Variants in PCNT observed in about 807,000 individuals in gnomAD.
PCNT encodes kendrin.
A neutral mutation model predicts 380.4 loss-of-function variants in PCNT; 319 were observed. That is an observed-to-expected ratio of 0.84 (90% CI 0.77 to 0.92). The LOEUF is 0.92. Among genes scored for constraint, PCNT ranks in the 40% least tolerant of loss-of-function variants. The probability of loss-of-function intolerance (pLI) is 0.00; values close to 1 mark genes in which losing one functional copy is unlikely to be tolerated. For synonymous variants in PCNT, 1,845 were observed against 1,735.2 expected (o/e 1.06, Z -1.57); for missense variants, 4,400 against 4,255.3 (o/e 1.03, Z -0.95).
chr21:46,389,110 GTTCTGTGGC>G, intron 18 of PCNT, 80 bp from the exon 19 acceptor site: 1 of 1,406,142 alleles, frequency 7.1e-7, no homozygotes, highest in Admixed American at 1.9e-5. Flanking sequence ...GACGTTCTGA[GTTCTGTGGC>G]TTCCTTGTCG....
intron 15 of PCNT, among the ~76,000 whole-genome samples, chr21:46,370,539 G>A (rs1403512830): frequency 6.6e-6 from 1 of 152,098 alleles, no homozygotes; most frequent in Non-Finnish European, 1.5e-5. Context: ...TTAGCTGGAG[G>A]GGTCATCCCA....
At chr21:46,424,365 G>A (rs2087399072) in intron 32 of PCNT, among the ~76,000 whole-genome samples, 1 of 152,214 alleles carries the variant, frequency 6.6e-6, no homozygotes, top group East Asian at 1.9e-4. Flanking sequence ...CTGGTCCTGA[G>A]TGTGGAGATG....
intron 15 of PCNT, among the ~76,000 whole-genome samples, chr21:46,368,262 G>A (rs139432691): frequency 6.3e-4 from 96 of 152,268 alleles, no homozygotes; most frequent in Non-Finnish European, 1.1e-3. Flanking sequence ...TGGCTAACAC[G>A]GTGAAACCCC....
intron 10 of PCNT, 91 bp downstream of exon 10, chr21:46,353,417 A>G: frequency 2.9e-6 from 3 of 1,051,536 alleles, no homozygotes; most frequent in Non-Finnish European, 4.4e-6. Context: ...ATTTCATGCT[A>G]GTAGGCACCA....
chr21:46,362,157 G>A lies in PCNT; in HGVS notation c.2155-1323G>A, dbSNP rs1320397748. On this transcript the variant is annotated intron_variant, in intron 13 of 46. Coordinates refer to ENST00000359568, the MANE Select transcript of PCNT (RefSeq NM_006031.6). ...TAATTCAGTTCTTGTAGCTTTAGCC[G>A]GCTTGCTTGCTTTTGGAGTCTGCCC... Among the ~76,000 whole-genome samples the A allele has an allele frequency of 3.3e-5, 5 of 152,278 alleles. No individual in the cohort carries two copies. In the East Asian group the frequency reaches 7.7e-4, roughly 23 times the overall value.
At position 46,334,720 on chromosome 21, in the gene PCNT, C is replaced by G. The variant is rs559031201; in HGVS notation, c.591C>G (p.Ile197Met). 1.9e-5 allele frequency: 30 copies of G among 1,612,252 alleles called. No individual in the cohort carries two copies. The highest frequency in any genetic ancestry group is 3.3e-5 in the South Asian group (3 of 90,926). The change falls in exon 3 of 47, where the codon ATC becomes ATG. Residue 197 changes from isoleucine to methionine, a missense_variant. Physicochemically the swap from Ile to Met is conservative, Grantham distance 10 (BLOSUM62 1). Transcript: ENST00000359568. ...ACCACACACCAGAACAGCGTGGGAT[C>G]TTCACAATCAGTGACCACCCAGCAG... ...VSDHTPEQRGIFTISDHPAEQ... is the reference protein window; with the variant it reads ...VSDHTPEQRGMFTISDHPAEQ...
chr21:46,445,661 T>G lies in PCNT; in HGVS notation c.*334T>G. On this transcript the variant is annotated 3_prime_UTR_variant, in exon 47 of 47. Coordinates refer to ENST00000359568, the MANE Select transcript of PCNT (RefSeq NM_006031.6). The stretch of plus-strand genomic sequence containing the variant: ...GGAGGATACACAGAGAATGGCTTCC[T>G]GTTGTTTTGTTTATTTTCTTAACGT... The G allele has an allele frequency of 3.1e-6, 1 of 321,082 alleles. No individual in the cohort carries two copies. Among genetic ancestry groups the G allele is most frequent in the Non-Finnish European group, 5.7e-6 (1 of 175,238 alleles). The allele number at this position is 321,082 out of a possible 1,614,324, so 19.9% of individuals were successfully genotyped here.
At chr21:46,332,555 C>T (rs1252887545) in intron 2 of PCNT, among the ~76,000 whole-genome samples, 1 of 152,168 alleles carries the variant, frequency 6.6e-6, no homozygotes, top group Non-Finnish European at 1.5e-5. Flanking sequence ...TTCATGTGAG[C>T]GGGCAGCTGA....
rs920525493 is a variant in PCNT, at chr21:46,425,993, C to A, written c.7320+22C>A. The A allele has an allele frequency of 1.2e-5, 20 of 1,607,606 alleles. No homozygotes were observed. Among genetic ancestry groups the A allele is most frequent in the Non-Finnish European group, 1.6e-5 (19 of 1,176,070 alleles). ...GCAGGTTTATTTTGCCCTTCACACA[C>A]TTCTTTTCCAAAGGATTTAAGGAGC... On this transcript the variant is annotated intron_variant, in intron 33 of 46. Coordinates refer to ENST00000359568, the MANE Select transcript of PCNT (RefSeq NM_006031.6). The surrounding 1 kb of genome is among the most constrained non-coding windows in gnomAD (Gnocchi z 4.2).
At position 46,355,433 on chromosome 21, in the gene PCNT, C is replaced by A. The variant is rs751195613; in HGVS notation, c.1762-19C>A. The A allele has an allele frequency of 6.2e-7, 1 of 1,612,594 alleles. No individual in the cohort carries two copies. Among genetic ancestry groups the A allele is most frequent in the Non-Finnish European group, 8.5e-7 (1 of 1,179,680 alleles). ...AGCTTGGCTCACTAACGTGCTTGTCCCACGTGGTTTCTCTGTAGGAGAGCC... is the reference window on the plus strand; with the variant it reads ...AGCTTGGCTCACTAACGTGCTTGTCACACGTGGTTTCTCTGTAGGAGAGCC... On this transcript the variant is annotated intron_variant, in intron 11 of 46. Coordinates refer to ENST00000359568, the MANE Select transcript of PCNT (RefSeq NM_006031.6).
intron 44 of PCNT, chr21:46,442,882 A>C: frequency 4.9e-6 from 2 of 411,628 alleles, no homozygotes; most frequent in East Asian, 5.0e-5. Flanking sequence ...AATCAACTGA[A>C]ACTCACTTCA....
chr21:46,384,728 A>G (rs2085762309), intron 16 of PCNT, among the ~76,000 whole-genome samples: 1 of 140,492 alleles, frequency 7.1e-6, no homozygotes. Context: ...AAACACATTC[A>G]TGGTGTTGTG....
chr21:46,361,478 G>A (rs771976686), intron 13 of PCNT, among the ~76,000 whole-genome samples: 17 of 152,230 alleles, frequency 1.1e-4, no homozygotes, highest in Non-Finnish European at 1.5e-4. Context: ...GCTGCGTTGT[G>A]TAAACTGTGA....
chr21:46,348,464 G>A (rs1421071643), intron 6 of PCNT: 6 of 180,812 alleles, frequency 3.3e-5, no homozygotes, highest in Admixed American at 1.1e-4. Context: ...CTCGTGTGCA[G>A]ATGGCAGTCT....
At position 46,385,994 on chromosome 21, in the gene PCNT, C is replaced by A; in HGVS notation, c.3464+11C>A. On this transcript the variant is annotated intron_variant, in intron 17 of 46. Transcript: ENST00000359568. ...GTCCCACAGCGAAAGGTCAGTGTGT[C>A]CTCGGCACCGAGGCTGCCTTGTGGC... 6.2e-7 allele frequency: 1 copy of A among 1,613,778 alleles called. No individual in the cohort carries two copies. The highest frequency in any genetic ancestry group is 1.3e-5 in the African/African-American group (1 of 75,070).
In PCNT at chr21:46,436,759, G is replaced by A. The variant is rs75710283; in HGVS notation, c.8997-220G>A. ...GGTGGCTTCCCGTGCTCGGTGGCGC[G>A]CCTCCCGGCTGGAGGTTTCTGAGCT... On this transcript the variant is annotated intron_variant, in intron 39 of 46. Coordinates refer to ENST00000359568, the MANE Select transcript of PCNT (RefSeq NM_006031.6). 3.1e-3 allele frequency among the ~76,000 whole-genome samples: 466 copies of A among 152,128 alleles called. 3 individuals are homozygous for A. The highest frequency in any genetic ancestry group is 0.01 in the African/African-American group (423 of 41,492).
At chr21:46,378,929 G>T (rs1325702888) in intron 15 of PCNT, among the ~76,000 whole-genome samples, 1 of 152,138 alleles carries the variant, frequency 6.6e-6, no homozygotes, top group African/African-American at 2.4e-5. Context: ...GGAGGAAGAA[G>T]AATTGTAAAC....
Position 46,401,614 on chromosome 21 carries a change from A to T in PCNT, c.4855A>T (p.Thr1619Ser). 1 of 1,613,888 alleles carries T rather than the reference A, an allele frequency of 6.2e-7. No homozygotes were observed. The highest frequency in any genetic ancestry group is 8.5e-7 in the Non-Finnish European group (1 of 1,179,814). ...GCTTCTGGCGTCCACGTTGCAGTCT[A>T]CACTAGATGCAGGCAGATGTCCCGA... ...SLLLASTLQS[T>S]LDAGRCPEPP... Residue 1619 changes from threonine (T) to serine (S), a missense_variant, in exon 26 of 47, where the codon ACA becomes TCA. Thr to Ser is a moderately conservative substitution (Grantham distance 58). Transcript: ENST00000359568.
intron 13 of PCNT, among the ~76,000 whole-genome samples, chr21:46,360,171 T>C (rs1262681880): frequency 6.7e-6 from 1 of 149,626 alleles, no homozygotes; most frequent in Non-Finnish European, 1.5e-5. Flanking sequence ...TTTAATCTAT[T>C]CAAAGTAAAG....
Sources: gnomAD v4.1 joint callset for allele counts (sites outside exome capture counted in the v4.1 genomes callset) on GRCh38, gnomAD v4.1.1 for gene constraint, Gnocchi (gnomAD v3.1) non-coding constraint, MANE v1.5 for transcripts, NCBI Gene and HGNC (gene_info 2026-07-23, HGNC 2026-07-21) for gene names.